Variants in PHLDB2 observed in about 807,000 individuals in gnomAD.
PHLDB2 encodes pleckstrin homology-like domain family B member 2.
In PHLDB2, 71 loss-of-function variants were observed where a neutral mutation model predicts 123.6. The observed-to-expected ratio is 0.57, with a 90% CI of 0.47 to 0.70. The LOEUF (loss-of-function observed/expected upper bound fraction) is 0.70, where lower values mean the gene tolerates loss of function less well. Ranked by LOEUF, PHLDB2 falls within the 30% of genes least tolerant of loss-of-function variation. The pLI is 0.00. For missense variants in PHLDB2, 1,446 were observed against 1,519.5 expected, an observed-to-expected ratio of 0.95 and a Z score of 0.80; for synonymous variants, 547 against 541.6, an observed-to-expected ratio of 1.01 and a Z score of -0.14.
At chr3:111,965,112 G>A (rs1490817212) in intron 13 of PHLDB2, among the ~76,000 whole-genome samples, 7 of 152,140 alleles carry the variant, frequency 4.6e-5, no homozygotes, top group Admixed American at 3.3e-4. Flanking sequence ...AAGAATTCCT[G>A]TACAAAAATT....
In PHLDB2 at chr3:111,838,665, C is replaced by T. The variant is rs1475980897; in HGVS notation, c.-48-7156C>T. 2.6e-5 allele frequency among the ~76,000 whole-genome samples: 4 copies of T among 151,986 alleles called. No homozygotes were observed. The East Asian group carries it at 7.7e-4, about 29-fold the overall frequency. ...CAGAATTAGTGACAATCTGAATTTCCAACAGAACTTTGAGGCAGAGTCAGA... is the reference window on the plus strand; with the variant it reads ...CAGAATTAGTGACAATCTGAATTTCTAACAGAACTTTGAGGCAGAGTCAGA... On this transcript the variant is annotated intron_variant, in intron 1 of 17. Transcript: ENST00000393923.
At chr3:111,914,864 T>A in intron 3 of PHLDB2, 1 of 151,742 alleles carries the variant, frequency 6.6e-6, no homozygotes, top group East Asian at 1.9e-4. Flanking sequence ...ATCTTTTAAA[T>A]TTTTTTTTCT....
At chr3:111,962,067 A>T in intron 12 of PHLDB2, 41 bp from the exon 13 acceptor site, 1 of 1,561,308 alleles carries the variant, frequency 6.4e-7, no homozygotes, top group Non-Finnish European at 8.7e-7. Context: ...TCAAAGACTG[A>T]AAAATGAGGC....
intron 1 of PHLDB2, among the ~76,000 whole-genome samples, chr3:111,829,242 A>G (rs2062814590): frequency 6.6e-6 from 1 of 152,034 alleles, no homozygotes; most frequent in Non-Finnish European, 1.5e-5. Flanking sequence ...ATTACTAAAG[A>G]GAAGAACTGG....
At chr3:111,740,587 G>T (rs1339584751) in intron 1 of PHLDB2, among the ~76,000 whole-genome samples, 1 of 152,108 alleles carries the variant, frequency 6.6e-6, no homozygotes, top group African/African-American at 2.4e-5. Flanking sequence ...TTCTTAGGTA[G>T]TCTCTTGGGA....
chr3:111,772,998 G>A (rs2108054672), intron 1 of PHLDB2, among the ~76,000 whole-genome samples: 1 of 152,240 alleles, frequency 6.6e-6, no homozygotes, highest in African/African-American at 2.4e-5. Context: ...ATATATTTCT[G>A]ATTCTCAGCA....
intron 15 of PHLDB2, among the ~76,000 whole-genome samples, 175 bp downstream of exon 15, chr3:111,967,999 A>AAAAAAAG (rs61395045): frequency 2.0e-4 from 29 of 145,914 alleles, no homozygotes; most frequent in Non-Finnish European, 2.4e-4. Flanking sequence ...AAAAAAAAAA[A>AAAAAAAG]TGTGAGTTCA....
At chr3:111,958,349 AC>A (rs1559922696) in intron 12 of PHLDB2, 1 of 961,744 alleles carries the variant, frequency 1.0e-6, no homozygotes, top group South Asian at 4.5e-5. Context: ...TATCCTCTTA[AC>A]CCCAGGTTAT....
intron 1 of PHLDB2, among the ~76,000 whole-genome samples, chr3:111,822,006 G>T (rs2062408796): frequency 6.6e-6 from 1 of 152,078 alleles, no homozygotes; most frequent in South Asian, 2.1e-4. Flanking sequence ...CCTCTGTGGG[G>T]TAGCAGCTTT....
intron 6 of PHLDB2, 68 bp from the exon 7 acceptor site, chr3:111,939,407 T>G: frequency 6.8e-7 from 1 of 1,479,330 alleles, no homozygotes; most frequent in East Asian, 2.3e-5. Flanking sequence ...TTTTAATAAA[T>G]GTTTCTTCAC....
At chr3:111,797,374 G>C (rs780881916) in intron 1 of PHLDB2, among the ~76,000 whole-genome samples, 6 of 152,154 alleles carry the variant, frequency 3.9e-5, no homozygotes, top group Non-Finnish European at 8.8e-5. Context: ...TACACACACA[G>C]AGAGTAGTTA....
At chr3:111,746,205 C>T (rs1210462064) in intron 1 of PHLDB2, among the ~76,000 whole-genome samples, 2 of 152,216 alleles carry the variant, frequency 1.3e-5, no homozygotes, top group Admixed American at 6.5e-5. Flanking sequence ...GAAACTTTCA[C>T]TCTTCCAGCC....
chr3:111,732,769 C>A, intron 1 of PHLDB2: 1 of 1,348,462 alleles, frequency 7.4e-7, no homozygotes, highest in East Asian at 2.6e-5. Flanking sequence ...TATACAGCCT[C>A]GTCACCAGAG....
At chr3:111,831,677 T>C (rs1375506055) in intron 1 of PHLDB2, among the ~76,000 whole-genome samples, 1 of 152,208 alleles carries the variant, frequency 6.6e-6, no homozygotes, top group East Asian at 1.9e-4. Context: ...CAGACAGGGA[T>C]ATCTATCTGT....
At chr3:111,842,881 T>G (rs1303662306) in intron 1 of PHLDB2, among the ~76,000 whole-genome samples, 1 of 152,252 alleles carries the variant, frequency 6.6e-6, no homozygotes, top group Non-Finnish European at 1.5e-5. Context: ...TGTGACTACC[T>G]TCTTTCATTT....
At position 111,915,661 on chromosome 3, in the gene PHLDB2, C is replaced by G. The variant is rs555853755; in HGVS notation, c.1719+1959C>G. The G allele has an allele frequency of 2.0e-5, 3 of 152,644 alleles. No homozygotes were observed. The South Asian group carries it at 6.2e-4, about 32-fold the overall frequency. The allele number at this position is 152,644 out of a possible 1,614,324, so 9.5% of individuals were successfully genotyped here. ...GCTAGGCCAGTCTCGAACTCCTGAC[C>G]TCAAGTGATCTGCCTGCCTCGGCCT... On this transcript the variant is annotated intron_variant, in intron 3 of 17. Coordinates refer to ENST00000431670, the MANE Select transcript of PHLDB2 (RefSeq NM_001134438.2).
At chr3:111,836,862 C>T (rs2063430460) in intron 1 of PHLDB2, among the ~76,000 whole-genome samples, 1 of 152,142 alleles carries the variant, frequency 6.6e-6, no homozygotes, top group Admixed American at 6.5e-5. Context: ...CATCTCCCAC[C>T]AGGTCCCTCC....
chr3:111,958,665 T>C, intron 12 of PHLDB2: 1 of 454,332 alleles, frequency 2.2e-6, no homozygotes, highest in South Asian at 1.6e-5. Context: ...CCTTATAAAC[T>C]ACCCCTTCAA....
intron 1 of PHLDB2, among the ~76,000 whole-genome samples, chr3:111,772,760 T>C (rs183050461): frequency 2.4e-4 from 36 of 152,344 alleles, no homozygotes; most frequent in African/African-American, 7.7e-4. Flanking sequence ...ATAGAGCTTA[T>C]CTGTTTGCCT....
Sources: allele counts gnomAD v4.1 joint callset (sites outside exome capture counted in the v4.1 genomes callset), GRCh38; gene constraint gnomAD v4.1.1; transcripts MANE v1.5; gene names NCBI Gene and HGNC (gene_info 2026-07-23, HGNC 2026-07-21).